Variants in TRMT5 observed in about 807,000 individuals in gnomAD.
TRMT5 encodes the protein tRNA (guanine(37)-N(1))-methyltransferase.
A neutral mutation model predicts 42.2 loss-of-function variants in TRMT5; 31 were observed. The ratio of observed to expected loss-of-function variants is 0.73; its 90% CI spans 0.55 to 0.99. TRMT5 has a LOEUF of 0.99. Ranked by LOEUF, TRMT5 falls within the 50% of genes least tolerant of loss-of-function variation. TRMT5 has a pLI of 0.00. For missense variants in TRMT5, 568 were observed against 595.0 expected (o/e 0.95, Z 0.47); for synonymous variants, 198 against 209.6 (o/e 0.94, Z 0.48).
At chr14:60,979,965 GC>G in intron 1 of TRMT5, 79 bp from the exon 2 acceptor site, 2 of 1,409,294 alleles carry the variant, frequency 1.4e-6, no homozygotes, top group East Asian at 4.7e-5. Flanking sequence ...CAAATAACGG[GC>G]TAAATGCTGA....
chr14:60,981,051 G>A lies in TRMT5; in HGVS notation c.-78C>T, dbSNP rs753767915. On this transcript the variant is annotated 5_prime_UTR_variant, in exon 1 of 5. Transcript: ENST00000261249. ...CCCGCTCCGGTACCGATCGGATGTG[G>A]GTCGCGGGTGGATGGGCGGGTCTTC... 4 of 1,608,358 alleles carry A rather than the reference G, an allele frequency of 2.5e-6. No individual in the cohort carries two copies. Among genetic ancestry groups the A allele is most frequent in the African/African-American group, 2.7e-5 (2 of 74,904 alleles).
Position 60,979,401 on chromosome 14 carries a change from G to A in TRMT5, c.497C>T (p.Pro166Leu), listed in dbSNP as rs746471581. ...LSVLEQLNVS[P>L]QISKYNLELT... is the part of the protein sequence containing the mutation. ...TTCCAAATTGTATTTAGAGATCTGT[G>A]GACTGACATTAAGCTGCTCTAAAAC... The change falls in exon 2 of 5, where the codon CCA (proline) becomes CTA (leucine). Residue 166 changes from proline (P) to leucine (L), a missense_variant. Physicochemically the swap from Pro to Leu is moderately conservative, Grantham distance 98 (BLOSUM62 -3). Coordinates refer to ENST00000261249, the MANE Select transcript of TRMT5 (RefSeq NM_020810.3). 17 of 1,613,880 alleles carry A rather than the reference G, an allele frequency of 1.1e-5. No homozygotes were observed. Among genetic ancestry groups the A allele is most frequent in the Non-Finnish European group, 1.0e-5 (12 of 1,180,004 alleles).
Position 60,973,330 on chromosome 14 carries a change from A to T in TRMT5, c.*1779T>A, listed in dbSNP as rs1284489631. The T allele has an allele frequency of 1.3e-5, 2 of 152,204 alleles. No individual in the cohort carries two copies. The highest frequency in any genetic ancestry group is 2.9e-5 in the Non-Finnish European group (2 of 68,056). 9.4% of individuals were successfully genotyped at this position (152,204 alleles called of 1,614,324 possible). On this transcript the variant is annotated 3_prime_UTR_variant, in exon 5 of 5. Transcript: ENST00000261249. ...ATAGCACTGGCATCTGCTTCTGGGG[A>T]AGCCTCAGGAAGCTTTTACTCATGG...
At chr14:60,981,658 G>C (rs2037034331), upstream of TRMT5, 1 of 1,428,218 alleles carries the variant, frequency 7.0e-7, no homozygotes, top group Non-Finnish European at 9.3e-7. Flanking sequence ...ATGATGGGAT[G>C]AGCGGCCCTA....
chr14:60,979,363 G>C lies in TRMT5; in HGVS notation c.535C>G (p.His179Asp), dbSNP rs76079086. Residue 179 changes from histidine to aspartate, a missense_variant, in exon 2 of 5, where the codon CAC becomes GAC. His to Asp is a moderately conservative substitution (Grantham distance 81). Coordinates refer to ENST00000261249, the MANE Select transcript of TRMT5 (RefSeq NM_020810.3). Reference sequence around the variant, plus strand: ...CTCAAGATTTCTTCTGACTTAAAGTGTTCATATGTTAGTTCCAAATTGTAT... The same window carrying C: ...CTCAAGATTTCTTCTGACTTAAAGTCTTCATATGTTAGTTCCAAATTGTAT... ...SKYNLELTYE[H>D]FKSEEILRAV... The C allele has an allele frequency of 2.4e-5, 39 of 1,613,970 alleles. No homozygotes were observed. The African/African-American group carries it at 4.9e-4, about 20-fold the overall frequency.
At chr14:60,981,648 A>G (rs2037032626), upstream of TRMT5, 3 of 1,436,436 alleles carry the variant, frequency 2.1e-6, no homozygotes, top group Non-Finnish European at 2.8e-6. Context: ...AGCTGCGAAC[A>G]TGATGGGATG....
At chr14:60,979,199 C>A in intron 2 of TRMT5, 32 bp downstream of exon 2, 4 of 1,514,108 alleles carry the variant, frequency 2.6e-6, no homozygotes, top group South Asian at 2.7e-5. Flanking sequence ...AAATTCCCTT[C>A]AAATACATGA....
At chr14:60,978,460 C>G (rs1224970658) in intron 2 of TRMT5, among the ~76,000 whole-genome samples, 1 of 152,076 alleles carries the variant, frequency 6.6e-6, no homozygotes, top group Non-Finnish European at 1.5e-5. Context: ...TGTATCTGAA[C>G]TCAACTTTTA....
At chr14:60,979,099 A>T in intron 2 of TRMT5, 132 bp downstream of exon 2, 1 of 810,006 alleles carries the variant, frequency 1.2e-6, no homozygotes, top group Non-Finnish European at 1.9e-6. Context: ...GTAGCTCAAG[A>T]TCTAGCTTAA....
At chr14:60,977,921 C>A (rs1013249202) in intron 2 of TRMT5, among the ~76,000 whole-genome samples, 4 of 151,982 alleles carry the variant, frequency 2.6e-5, no homozygotes, top group South Asian at 2.1e-4. Flanking sequence ...TAAATCTTTT[C>A]AAATGAACCA....
At position 60,976,026 on chromosome 14, in the gene TRMT5, G is replaced by C; in HGVS notation, c.893C>G (p.Pro298Arg). ...EHSRITELLK[P>R]GDVLFDVFAG... is the part of the protein sequence containing the mutation. ...AAAAACATCAAATAGGACATCCCCA[G>C]GTTTGAGAAGTTCTGTGATACGGCT... is the stretch of plus-strand genomic sequence containing the variant. The change falls in exon 4 of 5, where the codon CCT (proline) becomes CGT (arginine). Residue 298 changes from proline (P) to arginine (R), a missense_variant. Transcript: ENST00000261249. 1 of 1,614,224 alleles carries C rather than the reference G, an allele frequency of 6.2e-7. No individual in the cohort carries two copies. Among genetic ancestry groups the C allele is most frequent in the Non-Finnish European group, 8.5e-7 (1 of 1,180,036 alleles).
At chr14:60,980,706 C>A in intron 1 of TRMT5, 1 of 590,054 alleles carries the variant, frequency 1.7e-6, no homozygotes, top group Non-Finnish European at 3.0e-6. Flanking sequence ...CGTCAGAGAT[C>A]AAATTGGTTC....
rs377384375 is a variant in TRMT5, at chr14:60,973,173, CTG to C, written c.*1934_*1935del. The C allele has an allele frequency of 1.3e-5, 2 of 152,318 alleles. No individual in the cohort carries two copies. The highest frequency in any genetic ancestry group is 2.4e-5 in the African/African-American group (1 of 41,570). 9.4% of individuals were successfully genotyped at this position (152,318 alleles called of 1,614,324 possible). A position where few individuals can be genotyped will look rare whatever the true frequency, so the allele number is the denominator to read the frequency against. ...ATTCAAATATCGATTGTCAAAATGA[CTG>C]TACCATATCAAAGTTGTTTTGCCTT... On this transcript the variant is annotated 3_prime_UTR_variant, in exon 5 of 5. Coordinates refer to ENST00000261249, the MANE Select transcript of TRMT5 (RefSeq NM_020810.3).
At chr14:60,977,351 G>A (rs1264666254) in intron 3 of TRMT5, among the ~76,000 whole-genome samples, 163 bp downstream of exon 3, 1 of 152,092 alleles carries the variant, frequency 6.6e-6, no homozygotes, top group Non-Finnish European at 1.5e-5. Flanking sequence ...CAATTCTTCT[G>A]AAAAGGCTTT....
rs777398559 is a variant in TRMT5, at chr14:60,976,182, T to C, written c.793-56A>G. 1.5e-4 allele frequency: 229 copies of C among 1,537,590 alleles called. 1 individual carries two copies. Among genetic ancestry groups the C allele is most frequent in the Non-Finnish European group, 1.8e-4 (207 of 1,139,432 alleles). On this transcript the variant is annotated intron_variant, in intron 3 of 4. Transcript: ENST00000261249. ...TTTCCTTGGTCCTAAATCCTAACCA[T>C]TGATATTGGATAGGTTGTGTATACA...
At position 60,972,093 on chromosome 14, in the gene TRMT5, C is replaced by A. The variant is rs775126108; in HGVS notation, c.*3016G>T. 9.3e-5 allele frequency: 33 copies of A among 352,990 alleles called. No individual in the cohort carries two copies. Among genetic ancestry groups the A allele is most frequent in the Non-Finnish European group, 1.7e-4 (31 of 182,256 alleles). The allele number at this position is 352,990 out of a possible 1,614,324, so 21.9% of individuals were successfully genotyped here. A position where few individuals can be genotyped will look rare whatever the true frequency, so the allele number is the denominator to read the frequency against. ...GAGATATTCTATTAGTGACACATAC[C>A]CCTTCCCCCAAAAACAACAATGAAG... On this transcript the variant is annotated 3_prime_UTR_variant, in exon 5 of 5. Coordinates refer to ENST00000261249, the MANE Select transcript of TRMT5 (RefSeq NM_020810.3).
At chr14:60,977,052 C>G (rs748664482) in intron 3 of TRMT5, among the ~76,000 whole-genome samples, 5 of 151,908 alleles carry the variant, frequency 3.3e-5, no homozygotes, top group Admixed American at 1.3e-4. Flanking sequence ...TTTCCTTCTC[C>G]CAACCATATC....
At position 60,979,717 on chromosome 14, in the gene TRMT5, G is replaced by C; in HGVS notation, c.181C>G (p.Pro61Ala). The C allele has an allele frequency of 6.2e-7, 1 of 1,613,986 alleles. No homozygotes were observed. The highest frequency in any genetic ancestry group is 8.5e-7 in the Non-Finnish European group (1 of 1,179,994). Reference sequence around the variant, plus strand: ...TCTCTCTCATGTGTTTCTGTTTCTGGCATGGTTGAGAATCTTTTTCTTTGA... The same window carrying C: ...TCTCTCTCATGTGTTTCTGTTTCTGCCATGGTTGAGAATCTTTTTCTTTGA... ...LGQRKRFSTMPETETHERETE... is the reference protein window; with the variant it reads ...LGQRKRFSTMAETETHERETE... The change falls in exon 2 of 5, where the codon CCA (proline) becomes GCA (alanine). Residue 61 changes from proline (P) to alanine (A), a missense_variant. Transcript: ENST00000261249.
At chr14:60,978,243 AT>A (rs1313395827) in intron 2 of TRMT5, among the ~76,000 whole-genome samples, 5 of 152,168 alleles carry the variant, frequency 3.3e-5, no homozygotes, top group Non-Finnish European at 5.9e-5. Flanking sequence ...TGATGAATCT[AT>A]TTTTTTAGTT....
Sources: gnomAD v4.1 joint callset for allele counts (sites outside exome capture counted in the v4.1 genomes callset) on GRCh38, gnomAD v4.1.1 for gene constraint, MANE v1.5 for transcripts, NCBI Gene and HGNC (gene_info 2026-07-23, HGNC 2026-07-21) for gene names.